PRKD1: variants seen among roughly 807,000 people sequenced by gnomAD.
The protein encoded by PRKD1 is protein kinase D1, also known as serine/threonine-protein kinase D1.
A neutral mutation model predicts 95.9 loss-of-function variants in PRKD1; 63 were observed. The observed-to-expected ratio is 0.66, with a 90% CI of 0.54 to 0.81. The LOEUF (loss-of-function observed/expected upper bound fraction) is 0.81. PRKD1 is among the 30% of genes least tolerant of loss of function. PRKD1 has a pLI of 0.00. For synonymous variants in PRKD1, 425 were observed against 423.1 expected (o/e 1.00, Z -0.05); for missense variants, 1,048 against 1,165.3 (o/e 0.90, Z 1.47).
At chr14:29,617,170 T>G (rs1053414641) in intron 13 of PRKD1, among the ~76,000 whole-genome samples, 2 of 152,252 alleles carry the variant, frequency 1.3e-5, no homozygotes, top group Admixed American at 6.5e-5. Context: ...ATGGTCTTTA[T>G]GTACCACATG....
chr14:29,848,227 T>C (rs1452437251), intron 1 of PRKD1, among the ~76,000 whole-genome samples: 1 of 152,116 alleles, frequency 6.6e-6, no homozygotes, highest in Non-Finnish European at 1.5e-5. Flanking sequence ...ATCTGTGTTC[T>C]GATTGCTGAT....
At chr14:29,737,044 C>T (rs369714511) in intron 1 of PRKD1, among the ~76,000 whole-genome samples, 3 of 152,012 alleles carry the variant, frequency 2.0e-5, no homozygotes, top group East Asian at 1.9e-4. Flanking sequence ...AATACTCGGC[C>T]GGGCGCGGTG....
chr14:29,856,951 T>A (rs1337351264), intron 1 of PRKD1, among the ~76,000 whole-genome samples: 1 of 152,182 alleles, frequency 6.6e-6, no homozygotes, highest in Non-Finnish European at 1.5e-5. Context: ...CAGTCACTTA[T>A]TTCTGGGACA....
At chr14:29,659,931 T>A (rs1271961351) in intron 4 of PRKD1, among the ~76,000 whole-genome samples, 1 of 152,154 alleles carries the variant, frequency 6.6e-6, no homozygotes, top group Non-Finnish European at 1.5e-5. Context: ...ATTAAAATAA[T>A]TTCTTAGTTT....
chr14:29,706,092 T>C (rs545202034), intron 2 of PRKD1, among the ~76,000 whole-genome samples: 18 of 152,084 alleles, frequency 1.2e-4, no homozygotes, highest in Non-Finnish European at 2.5e-4. Flanking sequence ...TCTTTCCACA[T>C]CCTTGTCAAA....
intron 1 of PRKD1, among the ~76,000 whole-genome samples, chr14:29,844,340 T>C (rs940651474): frequency 6.6e-6 from 1 of 152,142 alleles, no homozygotes; most frequent in Non-Finnish European, 1.5e-5. Flanking sequence ...TAAGAAATAC[T>C]CACTAAGTTA....
intron 16 of PRKD1, among the ~76,000 whole-genome samples, chr14:29,590,798 AT>A (rs1293864933): frequency 6.6e-6 from 1 of 151,918 alleles, no homozygotes; most frequent in Non-Finnish European, 1.5e-5. Flanking sequence ...TCATTTATTT[AT>A]TTATTTTTTG....
chr14:29,718,914 T>C (rs1939327427), intron 2 of PRKD1, among the ~76,000 whole-genome samples: 1 of 152,186 alleles, frequency 6.6e-6, no homozygotes, highest in Non-Finnish European at 1.5e-5. Context: ...TATATCACTC[T>C]TGGGGTTTTT....
rs189050581 is a variant in PRKD1, at chr14:29,666,481, A to G, written c.404-273T>C. On this transcript the variant is annotated intron_variant, in intron 2 of 17. Transcript: ENST00000331968. ...AACAGCCAAAAAAATAGCAGAAAGC[A>G]TGAATGAAAGTATAAGTACACCTGA... Among the ~76,000 whole-genome samples, 3 of 152,166 alleles carry G rather than the reference A, an allele frequency of 2.0e-5. No individual in the cohort carries two copies. The East Asian group carries it at 5.8e-4, about 29-fold the overall frequency.
At chr14:29,775,880 C>A (rs551148291) in intron 1 of PRKD1, among the ~76,000 whole-genome samples, 10 of 152,294 alleles carry the variant, frequency 6.6e-5, no homozygotes, top group African/African-American at 2.4e-4. Flanking sequence ...AGTAGCCTAA[C>A]TGGGAGGCAC....
rs1227039165 is a variant in PRKD1, at chr14:29,624,266, ATG to A, written c.1799-10_1799-9del. 2.5e-6 allele frequency: 4 copies of A among 1,584,068 alleles called. No individual in the cohort carries two copies. Among genetic ancestry groups the A allele is most frequent in the Middle Eastern group, 1.7e-4 (1 of 5,966 alleles). On this transcript the variant is annotated splice_polypyrimidine_tract_variant and intron_variant, in intron 12 of 17. Coordinates refer to ENST00000331968, the MANE Select transcript of PRKD1 (RefSeq NM_002742.3). ...CTGTTTTACGATGTTTTCCTTTAAA[ATG>A]AAAAAGGGAAGCATTAGTAAGTTAT...
chr14:29,789,045 C>A (rs1889407048), intron 1 of PRKD1, among the ~76,000 whole-genome samples: 1 of 152,070 alleles, frequency 6.6e-6, no homozygotes, highest in South Asian at 2.1e-4. Context: ...CGCTACTATG[C>A]CTGACTAATT....
chr14:29,616,577 G>A (rs1365289643), intron 13 of PRKD1, among the ~76,000 whole-genome samples: 1 of 150,732 alleles, frequency 6.6e-6, no homozygotes, highest in Non-Finnish European at 1.5e-5. Context: ...CCAAGTAGCT[G>A]AGACTACAGG....
chr14:29,644,355 G>C (rs1436733462), intron 4 of PRKD1, among the ~76,000 whole-genome samples: 2 of 152,090 alleles, frequency 1.3e-5, no homozygotes, highest in African/African-American at 4.8e-5. Flanking sequence ...ACACTTAATA[G>C]GCTGTTCATA....
chr14:29,600,887 C>CT (rs1208555923), intron 13 of PRKD1, among the ~76,000 whole-genome samples: 3 of 151,784 alleles, frequency 2.0e-5, no homozygotes, highest in Non-Finnish European at 4.4e-5. Flanking sequence ...TGACCTTTAC[C>CT]TTTTTTCTCT....
At chr14:29,880,518 C>A (rs1893466362) in intron 1 of PRKD1, among the ~76,000 whole-genome samples, 1 of 152,146 alleles carries the variant, frequency 6.6e-6, no homozygotes, top group South Asian at 2.1e-4. Flanking sequence ...TCTGCTAGGG[C>A]AGTGCAGAAA....
Position 29,688,401 on chromosome 14 carries a change from C to T in PRKD1, c.404-22193G>A, listed in dbSNP as rs545044002. On this transcript the variant is annotated intron_variant, in intron 2 of 17. Coordinates refer to ENST00000331968, the MANE Select transcript of PRKD1 (RefSeq NM_002742.3). ...ACATCTCTGGGGTACCACCATTCAGCCCACTGCACAACTTTATGAGGTAGG... is the reference window on the plus strand; with the variant it reads ...ACATCTCTGGGGTACCACCATTCAGTCCACTGCACAACTTTATGAGGTAGG... Among the ~76,000 whole-genome samples the T allele has an allele frequency of 3.9e-5, 6 of 152,212 alleles. No homozygotes were observed. The South Asian group carries it at 1.2e-3, about 32-fold the overall frequency.
intron 1 of PRKD1, among the ~76,000 whole-genome samples, chr14:29,855,199 T>C (rs1425926240): frequency 1.3e-5 from 2 of 152,066 alleles, no homozygotes; most frequent in Non-Finnish European, 2.9e-5. Context: ...GCTTGCACTG[T>C]GCACCTGGAA....
chr14:29,780,768 A>T (rs996069234), intron 1 of PRKD1, among the ~76,000 whole-genome samples: 6 of 152,152 alleles, frequency 3.9e-5, no homozygotes, highest in African/African-American at 1.4e-4. Context: ...ATACCATTTG[A>T]CCCAGCCATC....
Sources: gnomAD v4.1 joint callset for allele counts (sites outside exome capture counted in the v4.1 genomes callset) on GRCh38, gnomAD v4.1.1 for gene constraint, MANE v1.5 for transcripts, NCBI Gene and HGNC (gene_info 2026-07-23, HGNC 2026-07-21) for gene names.